MALT1: variants seen among roughly 807,000 people sequenced by gnomAD.
MALT1 encodes the protein MALT1 paracaspase, also known as mucosa-associated lymphoid tissue lymphoma translocation protein 1.
MALT1 carries 36 observed loss-of-function variants against 85.5 expected under a neutral mutation model. That is an observed-to-expected ratio of 0.42 (90% CI 0.32 to 0.56). The LOEUF is 0.56. Ranked by LOEUF, MALT1 falls within the 20% of genes least tolerant of loss-of-function variation. The pLI, the probability that MALT1 is intolerant of heterozygous loss-of-function variation, is 0.10. For missense variants in MALT1, 716 were observed against 981.6 expected (o/e 0.73, Z 3.62); for synonymous variants, 359 against 361.3 (o/e 0.99, Z 0.07).
At chr18:58,707,313 T>C (rs1006169104) in intron 4 of MALT1, among the ~76,000 whole-genome samples, 1 of 152,014 alleles carries the variant, frequency 6.6e-6, no homozygotes, top group South Asian at 2.1e-4. Flanking sequence ...TTAATGTGAG[T>C]CTCTATCTGA....
intron 3 of MALT1, 93 bp from the exon 4 acceptor site, chr18:58,700,348 A>G (rs1391024367): frequency 9.0e-6 from 9 of 1,000,374 alleles, no homozygotes; most frequent in Non-Finnish European, 1.3e-5. Context: ...TGCACTTTCA[A>G]AGCTTCATAC....
In MALT1 at chr18:58,733,404, A is replaced by G; in HGVS notation, c.1230A>G (p.Leu410=). ...TATTTTTCCTCTTTTCAGGGTTATT[A>G]TATTATGCAGGACATGGTTATGAAA... is the stretch of plus-strand genomic sequence containing the variant. The part of the protein sequence containing the change: ...LLLDKGVYGL[L]YYAGHGYENF... Residue 410 remains leucine (L), a synonymous_variant, in exon 11 of 17, where the codon TTA becomes TTG. Coordinates refer to ENST00000649217, the MANE Select transcript of MALT1 (RefSeq NM_006785.4). The G allele has an allele frequency of 6.2e-7, 1 of 1,600,636 alleles. No homozygotes were observed. Among genetic ancestry groups the G allele is most frequent in the African/African-American group, 1.3e-5 (1 of 74,120 alleles).
At position 58,681,268 on chromosome 18, in the gene MALT1, T is replaced by C. The variant is rs1368175094; in HGVS notation, c.308T>C (p.Val103Ala). The change falls in exon 2 of 17, where the codon GTC (valine) becomes GCC (alanine). Residue 103 changes from valine to alanine, a missense_variant. Val to Ala is a moderately conservative substitution (Grantham distance 64). This residue lies in a region of MALT1 where 290 missense variants were observed against 380.5 expected (regional missense o/e 0.76). Transcript: ENST00000649217. ...TTAATGGGTGAAAAAGGTTGCACAG[T>C]CACAGAATTGAGTGATTTCCTGCAG... The part of the protein sequence containing the change: ...LKLMGEKGCT[V>A]TELSDFLQAM... The C allele has an allele frequency of 6.2e-7, 1 of 1,614,092 alleles. No homozygotes were observed.
At chr18:58,716,100 A>G (rs1735254227) in intron 9 of MALT1, 133 bp downstream of exon 9, 1 of 667,414 alleles carries the variant, frequency 1.5e-6, no homozygotes. Context: ...ATTTTTTTGT[A>G]TCTGTAAAAG....
chr18:58,702,475 C>A (rs910745712), intron 4 of MALT1, among the ~76,000 whole-genome samples: 1 of 152,100 alleles, frequency 6.6e-6, no homozygotes, highest in Non-Finnish European at 1.5e-5. Flanking sequence ...TAAATATGAT[C>A]ATTATAAAAA....
At position 58,747,932 on chromosome 18, in the gene MALT1, T is replaced by C. The variant is rs2055393407; in HGVS notation, c.*90T>C. The C allele has an allele frequency of 3.1e-6, 3 of 970,264 alleles. No individual in the cohort carries two copies. The highest frequency in any genetic ancestry group is 3.1e-5 in the South Asian group (2 of 64,454). The allele number at this position is 970,264 out of a possible 1,614,324, so 60.1% of individuals were successfully genotyped here. ...AGTGAGACATTGTGAAAAGGCAAAT[T>C]TGTATATGTAGAGAAAGAATAGTAG... On this transcript the variant is annotated 3_prime_UTR_variant, in exon 17 of 17. Transcript: ENST00000649217.
intron 5 of MALT1, 86 bp downstream of exon 5, chr18:58,709,642 C>A: frequency 9.2e-7 from 1 of 1,082,848 alleles, no homozygotes; most frequent in South Asian, 1.9e-5. Flanking sequence ...CATTAAAACT[C>A]ATATCCTTTC....
chr18:58,731,932 T>C (rs553691189), intron 10 of MALT1, among the ~76,000 whole-genome samples: 196 of 152,288 alleles, frequency 1.3e-3, no homozygotes, highest in African/African-American at 4.6e-3. Flanking sequence ...AAAATGGGTA[T>C]ATCCATTTTC....
chr18:58,676,380 C>T (rs778241112), intron 1 of MALT1, among the ~76,000 whole-genome samples: 5 of 151,744 alleles, frequency 3.3e-5, no homozygotes, highest in Non-Finnish European at 7.4e-5. Context: ...AATGCCAACT[C>T]TCCTATTGTT....
At position 58,734,037 on chromosome 18, in the gene MALT1, C is replaced by A. The variant is rs566481782; in HGVS notation, c.1401-270C>A. On this transcript the variant is annotated intron_variant, in intron 11 of 16. Transcript: ENST00000649217. ...CTAAGGAGTAGAACCAATGACTGTT[C>A]CTCTAGATTTACTATTTTTTTGCTT... 129 of 1,266,446 alleles carry A rather than the reference C, an allele frequency of 1.0e-4. No individual in the cohort carries two copies. The African/African-American group carries it at 1.8e-3, about 17-fold the overall frequency. 78.5% of individuals were successfully genotyped at this position (1,266,446 alleles called of 1,614,324 possible).
chr18:58,735,455 T>C (rs761783837), intron 13 of MALT1, 126 bp downstream of exon 13: 6 of 891,776 alleles, frequency 6.7e-6, no homozygotes, highest in Non-Finnish European at 9.7e-6. Flanking sequence ...GTACCTACTT[T>C]ATAAAACAAT....
chr18:58,731,788 TC>T (rs2144454271), intron 10 of MALT1, among the ~76,000 whole-genome samples: 1 of 152,230 alleles, frequency 6.6e-6, no homozygotes, highest in African/African-American at 2.4e-5. Context: ...TCGTGTGAAT[TC>T]ATGTATGGAG....
intron 13 of MALT1, among the ~76,000 whole-genome samples, chr18:58,738,616 G>A (rs1468378863): frequency 5.9e-5 from 9 of 152,110 alleles, no homozygotes; most frequent in Admixed American, 4.6e-4. Context: ...TACTCCCCAC[G>A]GCCAGCAAGG....
chr18:58,713,295 C>T (rs1297369858), intron 7 of MALT1, among the ~76,000 whole-genome samples: 2 of 151,896 alleles, frequency 1.3e-5, no homozygotes, highest in Admixed American at 1.3e-4. Context: ...CTTATTTTAC[C>T]TATCCATTGG....
intron 4 of MALT1, among the ~76,000 whole-genome samples, chr18:58,706,360 T>G (rs1323934803): frequency 6.6e-6 from 1 of 152,212 alleles, no homozygotes; most frequent in Non-Finnish European, 1.5e-5. Context: ...TTTCACCATC[T>G]TGGCCAGGCT....
chr18:58,733,377 CTTATT>C lies in MALT1; in HGVS notation c.1223-17_1223-13del. The C allele has an allele frequency of 6.6e-7, 1 of 1,518,078 alleles. No homozygotes were observed. Among genetic ancestry groups the C allele is most frequent in the Non-Finnish European group, 9.0e-7 (1 of 1,109,748 alleles). 94.0% of individuals were successfully genotyped at this position (1,518,078 alleles called of 1,614,324 possible). ...ATTTAGAATTGACATCTATCTCTCT[CTTATT>C]TTTCCTCTTTTCAGGGTTATTATAT... is the stretch of plus-strand genomic sequence containing the variant. On this transcript the variant is annotated splice_polypyrimidine_tract_variant and intron_variant, in intron 10 of 16. Transcript: ENST00000649217.
At chr18:58,712,894 A>G (rs1195711560) in intron 7 of MALT1, among the ~76,000 whole-genome samples, 1 of 152,164 alleles carries the variant, frequency 6.6e-6, no homozygotes, top group Non-Finnish European at 1.5e-5. Context: ...ACTATTCTGT[A>G]TGATTAATGA....
At chr18:58,719,624 G>T (rs527834028) in intron 9 of MALT1, among the ~76,000 whole-genome samples, 1 of 152,190 alleles carries the variant, frequency 6.6e-6, no homozygotes, top group African/African-American at 2.4e-5. Flanking sequence ...ATTCACAGGT[G>T]GGGGTGACTG....
rs1216797044 is a variant in MALT1 at position 58,748,067 on chromosome 18, AT to A, written c.*226del. Reference sequence around the variant, plus strand: ...GAATTGGTTGAATAGTTCTATACAAATGAAGTATGGAGGTGTGTATGTTTAT... The same window carrying A: ...GAATTGGTTGAATAGTTCTATACAAAGAAGTATGGAGGTGTGTATGTTTAT... On this transcript the variant is annotated 3_prime_UTR_variant, in exon 17 of 17. Coordinates refer to ENST00000649217, the MANE Select transcript of MALT1 (RefSeq NM_006785.4). 16 of 521,294 alleles carry A rather than the reference AT, an allele frequency of 3.1e-5. No homozygotes were observed. The highest frequency in any genetic ancestry group is 3.0e-4 in the African/African-American group (16 of 52,544). The allele number at this position is 521,294 out of a possible 1,614,324, so 32.3% of individuals were successfully genotyped here.
Sources: allele counts gnomAD v4.1 joint callset (sites outside exome capture counted in the v4.1 genomes callset), GRCh38; gene constraint gnomAD v4.1.1; regional missense constraint gnomAD v4.1.1; transcripts MANE v1.5; gene names NCBI Gene and HGNC (gene_info 2026-07-23, HGNC 2026-07-21).